The following P2RX5 variants were observed in gnomAD, a reference collection of about 807,000 sequenced individuals.
The protein encoded by P2RX5 is P2X purinoceptor 5.
A neutral mutation model predicts 54.1 loss-of-function variants in P2RX5; 46 were observed. The observed-to-expected ratio is 0.85, with a 90% CI of 0.67 to 1.09. The LOEUF (loss-of-function observed/expected upper bound fraction) is 1.09, where lower values mean the gene tolerates loss of function less well. Ranked by LOEUF, P2RX5 falls within the 50% of genes least tolerant of loss-of-function variation. The probability of loss-of-function intolerance (pLI) is 0.00; values close to 1 mark genes in which losing one functional copy is unlikely to be tolerated. For synonymous variants in P2RX5, 226 were observed against 226.4 expected (o/e 1.00, Z 0.02); for missense variants, 566 against 549.8 (o/e 1.03, Z -0.29).
the P2RX5 span, among the ~76,000 whole-genome samples, chr17:3,719,253 A>AAAAG: frequency 1.9e-3 from 205 of 109,502 alleles, 16 homozygotes; most frequent in Non-Finnish European, 2.0e-3. Context: ...AAAAAAAAAA[A>AAAAG]AAAGAAAAGA....
At chr17:3,682,173 C>A (rs1567731906) in intron 9 of P2RX5, 195 bp from the exon 10 acceptor site, 2 of 631,250 alleles carry the variant, frequency 3.2e-6, no homozygotes, top group East Asian at 5.7e-5. Flanking sequence ...GGAGCTCAAG[C>A]TGGACTGGAG....
chr17:3,690,045 G>A, intron 6 of P2RX5, 25 bp downstream of exon 6: 1 of 1,607,542 alleles, frequency 6.2e-7, no homozygotes, highest in Non-Finnish European at 8.5e-7. Context: ...CCCACCCGTG[G>A]CCCCCAGTAG....
At chr17:3,679,891 C>A in intron 10 of P2RX5, 107 bp from the exon 11 acceptor site, 2 of 940,582 alleles carry the variant, frequency 2.1e-6, no homozygotes, top group Admixed American at 2.0e-5. Flanking sequence ...GGCCGCCACC[C>A]TGCTTCCTCC....
chr17:3,694,140 G>C (rs905943466), intron 1 of P2RX5, among the ~76,000 whole-genome samples: 2 of 148,616 alleles, frequency 1.3e-5, no homozygotes, highest in South Asian at 4.5e-4. Context: ...CACACGGCAG[G>C]ATAGTATCAG....
chr17:3,693,991 C>G (rs1379237898), intron 1 of P2RX5, among the ~76,000 whole-genome samples: 1 of 152,024 alleles, frequency 6.6e-6, no homozygotes, highest in Non-Finnish European at 1.5e-5. Context: ...CCTTGAACTC[C>G]TGACCTCAAG....
chr17:3,702,055 A>T, the P2RX5 span, among the ~76,000 whole-genome samples: 1 of 152,152 alleles, frequency 6.6e-6, no homozygotes, highest in Non-Finnish European at 1.5e-5. Context: ...CTGGTGAGAG[A>T]TCAAGCCAGC....
upstream of P2RX5, among the ~76,000 whole-genome samples, chr17:3,698,582 T>G (rs2050795707): frequency 6.6e-6 from 1 of 152,158 alleles, no homozygotes; most frequent in Non-Finnish European, 1.5e-5. Context: ...AACCTTTGTG[T>G]GCTACTGGAG....
chr17:3,683,729 CAAA>C (rs59622313), intron 9 of P2RX5, among the ~76,000 whole-genome samples: 13,545 of 58,354 alleles, frequency 0.23, 906 homozygotes, highest in East Asian at 0.43. Context: ...GACTCCGTCT[CAAA>C]AAAAAAAAAA....
Position 3,691,007 on chromosome 17 carries a change from C to A in P2RX5, c.309G>T (p.Val103=), listed in dbSNP as rs759453136. The A allele has an allele frequency of 2.5e-6, 4 of 1,612,658 alleles. No individual in the cohort carries two copies. In the Admixed American group the frequency reaches 6.7e-5, roughly 27 times the overall value. ...IPAQGENVFF[V]VTNLIVTPNQ... ...TGGGGGTCACAATCAGGTTGGTGACCACAAAAAAGACGTTCTCTCCCTAAG... is the reference window on the plus strand; with the variant it reads ...TGGGGGTCACAATCAGGTTGGTGACAACAAAAAAGACGTTCTCTCCCTAAG... Residue 103 remains valine, a synonymous_variant, in exon 3 of 12, where the codon GTG becomes GTT. Coordinates refer to ENST00000225328, the MANE Select transcript of P2RX5 (RefSeq NM_002561.4).
chr17:3,721,398 A>C, the P2RX5 span, among the ~76,000 whole-genome samples: 1 of 148,916 alleles, frequency 6.7e-6, no homozygotes, highest in Admixed American at 6.8e-5. Flanking sequence ...CAGCCTCCCA[A>C]GTAGCTGGGA....
intron 11 of P2RX5, among the ~76,000 whole-genome samples, chr17:3,678,480 C>T (rs2050153863): frequency 1.3e-5 from 2 of 152,224 alleles, no homozygotes; most frequent in South Asian, 4.1e-4. Flanking sequence ...AGTGAGCACC[C>T]AGGAAGTAAG....
Position 3,695,917 on chromosome 17 carries a change from C to T in P2RX5, c.89G>A (p.Gly30Asp). ...GGCCTGCAGCAGCCGGTACAGCAGG[C>T]CCACCTTCTTGTTCTTGGCGATGAC... ...KYVIAKNKKV[G>D]LLYRLLQASI... The change falls in exon 1 of 12, where the codon GGC (glycine) becomes GAC (aspartate). Residue 30 changes from glycine (G) to aspartate (D), a missense_variant. Physicochemically the swap from Gly to Asp is moderately conservative, Grantham distance 94 (BLOSUM62 -1). Transcript: ENST00000225328. 3.1e-6 allele frequency: 5 copies of T among 1,614,144 alleles called. No homozygotes were observed. Among genetic ancestry groups the T allele is most frequent in the Non-Finnish European group, 4.2e-6 (5 of 1,179,998 alleles).
the P2RX5 span, among the ~76,000 whole-genome samples, chr17:3,707,214 C>T: frequency 2.0e-5 from 3 of 152,102 alleles, no homozygotes; most frequent in Non-Finnish European, 4.4e-5. Context: ...AGGTGGTGGG[C>T]AGACCGGTGT....
At chr17:3,690,879 G>C in intron 3 of P2RX5, 77 bp downstream of exon 3, 1 of 1,344,242 alleles carries the variant, frequency 7.4e-7, no homozygotes, top group Non-Finnish European at 1.1e-6. Context: ...AGACACCCTT[G>C]CTTCAGAAGA....
the P2RX5 span, among the ~76,000 whole-genome samples, chr17:3,704,118 C>CAAAA: frequency 0.86 from 130,422 of 151,828 alleles, 59,055 homozygotes; most frequent in East Asian, 1. Flanking sequence ...AACAAACAAA[C>CAAAA]AAAACCCAAA....
intron 9 of P2RX5, among the ~76,000 whole-genome samples, chr17:3,685,287 C>CCT (rs2050410029): frequency 6.6e-6 from 1 of 152,216 alleles, no homozygotes; most frequent in Non-Finnish European, 1.5e-5. Context: ...CCAGCACATG[C>CCT]CTCCCTGGCT....
chr17:3,702,065 C>T, the P2RX5 span, among the ~76,000 whole-genome samples: 3 of 152,178 alleles, frequency 2.0e-5, no homozygotes, highest in Non-Finnish European at 4.4e-5. Flanking sequence ...ATCAAGCCAG[C>T]TGGACTTCCT....
chr17:3,713,216 C>T, the P2RX5 span, among the ~76,000 whole-genome samples: 1 of 151,982 alleles, frequency 6.6e-6, no homozygotes, highest in Admixed American at 6.6e-5. Context: ...AAAAAATGAG[C>T]CGGGCATAGT....
chr17:3,717,195 C>T, the P2RX5 span: 3 of 164,198 alleles, frequency 1.8e-5, no homozygotes, highest in African/African-American at 4.8e-5. Flanking sequence ...AAAATGATGA[C>T]TTCCTTTAAA....
Sources: gnomAD v4.1 joint callset for allele counts (sites outside exome capture counted in the v4.1 genomes callset) on GRCh38, gnomAD v4.1.1 for gene constraint, MANE v1.5 for transcripts, NCBI Gene and HGNC (gene_info 2026-07-23, HGNC 2026-07-21) for gene names.